The following CTNNA2 variants were observed in gnomAD, a reference collection of about 807,000 sequenced individuals.
CTNNA2 encodes catenin alpha-2.
Under a neutral mutation model 101.0 loss-of-function variants are expected in CTNNA2, and 42 were observed. The observed-to-expected ratio is 0.42, with a 90% CI of 0.32 to 0.54. The LOEUF (loss-of-function observed/expected upper bound fraction) is 0.54. Among genes scored for constraint, CTNNA2 ranks in the 20% least tolerant of loss-of-function variants. The pLI is 0.14. For synonymous variants in CTNNA2, 450 were observed against 456.4 expected, an observed-to-expected ratio of 0.99 and a Z score of 0.18; for missense variants, 871 against 1,223.1, an observed-to-expected ratio of 0.71 and a Z score of 4.29.
chr2:79,641,654 C>T (rs1180998074), intron 1 of CTNNA2, among the ~76,000 whole-genome samples: 1 of 152,100 alleles, frequency 6.6e-6, no homozygotes, highest in African/African-American at 2.4e-5. Context: ...CACTACTTAC[C>T]TGAATATCAC....
At chr2:79,276,394 A>T (rs1675214078) in intron 2 of CTNNA2, among the ~76,000 whole-genome samples, 1 of 151,968 alleles carries the variant, frequency 6.6e-6, no homozygotes, top group South Asian at 2.1e-4. Context: ...CTTTTGTTTG[A>T]TCTATTTCAA....
chr2:80,630,195 A>G (rs376415867), intron 18 of CTNNA2, among the ~76,000 whole-genome samples: 2 of 152,308 alleles, frequency 1.3e-5, no homozygotes, highest in South Asian at 2.1e-4. Context: ...TTCAGTGAAA[A>G]TATTGTCTGA....
chr2:80,008,920 G>C (rs1693570555), intron 7 of CTNNA2, among the ~76,000 whole-genome samples: 1 of 152,192 alleles, frequency 6.6e-6, no homozygotes, highest in Non-Finnish European at 1.5e-5. Flanking sequence ...CAAGATGTTA[G>C]CATGGAGGAG....
At chr2:80,509,330 T>C (rs1688520929) in intron 9 of CTNNA2, among the ~76,000 whole-genome samples, 1 of 152,144 alleles carries the variant, frequency 6.6e-6, no homozygotes, top group African/African-American at 2.4e-5. Context: ...CCAGCCAAGG[T>C]TCAGCAAGAG....
chr2:79,742,847 G>C (rs1286589535), intron 2 of CTNNA2, among the ~76,000 whole-genome samples: 1 of 152,138 alleles, frequency 6.6e-6, no homozygotes, highest in Non-Finnish European at 1.5e-5. Flanking sequence ...GCAATCAAAA[G>C]AGAGCCGAAT....
chr2:80,375,451 C>G (rs1054942058), intron 7 of CTNNA2, among the ~76,000 whole-genome samples: 1 of 151,956 alleles, frequency 6.6e-6, no homozygotes, highest in African/African-American at 2.4e-5. Flanking sequence ...GGCTTCTGTA[C>G]AGGTAATGAA....
chr2:80,139,939 A>G (rs1702905696), intron 7 of CTNNA2, among the ~76,000 whole-genome samples: 1 of 152,220 alleles, frequency 6.6e-6, no homozygotes, highest in South Asian at 2.1e-4. Context: ...GGTGAACACC[A>G]AAGAATCAAC....
chr2:79,761,635 G>T (rs1054260758), intron 3 of CTNNA2, among the ~76,000 whole-genome samples: 1 of 152,124 alleles, frequency 6.6e-6, no homozygotes, highest in African/African-American at 2.4e-5. Context: ...TTATATTATA[G>T]TTCCCCGATG....
intron 2 of CTNNA2, among the ~76,000 whole-genome samples, chr2:79,200,651 T>C (rs368493747): frequency 2.0e-5 from 3 of 152,128 alleles, no homozygotes; most frequent in Admixed American, 6.6e-5. Flanking sequence ...ATTCATTCAA[T>C]TGAGGAAAAA....
At chr2:79,287,288 T>C (rs1331357882) in intron 2 of CTNNA2, among the ~76,000 whole-genome samples, 1 of 152,228 alleles carries the variant, frequency 6.6e-6, no homozygotes, top group Non-Finnish European at 1.5e-5. Context: ...CTTTGTTCCG[T>C]TGCTGGTGAG....
intron 15 of CTNNA2, among the ~76,000 whole-genome samples, chr2:80,594,552 T>C (rs932295885): frequency 7.9e-5 from 12 of 152,120 alleles, no homozygotes; most frequent in African/African-American, 2.9e-4. Context: ...CTTATACTTT[T>C]GGTGTCATAT....
At chr2:80,586,263 G>A (rs1057163794) in intron 14 of CTNNA2, 2 of 152,200 alleles carry the variant, frequency 1.3e-5, no homozygotes, top group African/African-American at 4.8e-5. Flanking sequence ...ATTGTATTAT[G>A]GAGATGCAAG....
At chr2:79,244,819 G>C (rs1241501517) in intron 2 of CTNNA2, among the ~76,000 whole-genome samples, 1 of 152,238 alleles carries the variant, frequency 6.6e-6, no homozygotes, top group Non-Finnish European at 1.5e-5. Context: ...ATCAGGCAGT[G>C]CACAGTGGCT....
At chr2:80,645,134 C>A (rs894263503) in intron 18 of CTNNA2, among the ~76,000 whole-genome samples, 4 of 152,124 alleles carry the variant, frequency 2.6e-5, no homozygotes, top group African/African-American at 4.8e-5. Context: ...AATGAAACGT[C>A]CCTGTCATAT....
At chr2:79,597,834 G>T (rs1677300923) in intron 1 of CTNNA2, among the ~76,000 whole-genome samples, 1 of 152,122 alleles carries the variant, frequency 6.6e-6, no homozygotes, top group Non-Finnish European at 1.5e-5. Flanking sequence ...TCTTGATGGT[G>T]TGTATTCTAT....
chr2:79,253,329 CA>C (rs1302209151), intron 2 of CTNNA2, among the ~76,000 whole-genome samples: 1 of 152,168 alleles, frequency 6.6e-6, no homozygotes, highest in African/African-American at 2.4e-5. Flanking sequence ...CATTGAAAAA[CA>C]CACAGGATTT....
chr2:79,644,349 T>C (rs1265582845), intron 1 of CTNNA2, among the ~76,000 whole-genome samples: 1 of 152,210 alleles, frequency 6.6e-6, no homozygotes, highest in Non-Finnish European at 1.5e-5. Context: ...AAAGATCTGC[T>C]TTTTAAGGGG....
chr2:80,296,154 T>C (rs1030425520), intron 7 of CTNNA2, among the ~76,000 whole-genome samples: 1 of 152,204 alleles, frequency 6.6e-6, no homozygotes, highest in Non-Finnish European at 1.5e-5. Context: ...AATTGCATCA[T>C]GGAAAATGAG....
intron 7 of CTNNA2, among the ~76,000 whole-genome samples, chr2:80,225,270 C>T (rs764250935): frequency 3.3e-5 from 5 of 152,100 alleles, no homozygotes; most frequent in Non-Finnish European, 5.9e-5. Context: ...AAGCAGAGCC[C>T]GATTGCCCTT....
Sources: allele counts gnomAD v4.1 joint callset (sites outside exome capture counted in the v4.1 genomes callset), GRCh38; gene constraint gnomAD v4.1.1; transcripts MANE v1.5; gene names NCBI Gene and HGNC (gene_info 2026-07-23, HGNC 2026-07-21).